CDC16: variants seen among roughly 807,000 people sequenced by gnomAD.
The protein encoded by CDC16 is cell division cycle 16, also known as cell division cycle protein 16 homolog.
In CDC16, 34 loss-of-function variants were observed where a neutral mutation model predicts 87.0. The ratio of observed to expected loss-of-function variants is 0.39; its 90% CI spans 0.30 to 0.52. The LOEUF (loss-of-function observed/expected upper bound fraction) is 0.52. CDC16 is among the 20% of genes least tolerant of loss of function. The probability of loss-of-function intolerance (pLI) is 0.74; values close to 1 mark genes in which losing one functional copy is unlikely to be tolerated. For synonymous variants in CDC16, 263 were observed against 260.6 expected, an observed-to-expected ratio of 1.01 and a Z score of -0.09; for missense variants, 653 against 751.9, an observed-to-expected ratio of 0.87 and a Z score of 1.54.
At chr13:114,270,088 G>A (rs1009398547) in intron 17 of CDC16, among the ~76,000 whole-genome samples, 2 of 149,434 alleles carry the variant, frequency 1.3e-5, no homozygotes, top group African/African-American at 2.6e-5. Context: ...GTTCATTCTC[G>A]CATTGCTGTA....
At chr13:114,237,407 A>C (rs1018164880) in intron 3 of CDC16, among the ~76,000 whole-genome samples, 4 of 151,896 alleles carry the variant, frequency 2.6e-5, no homozygotes, top group African/African-American at 9.7e-5. Context: ...CTTCTGCCTC[A>C]GCCTCCCTAA....
At chr13:114,239,310 A>AC in intron 4 of CDC16, 40 bp from the exon 5 acceptor site, 1 of 1,567,938 alleles carries the variant, frequency 6.4e-7, no homozygotes, top group Non-Finnish European at 8.7e-7. Flanking sequence ...TTCGTGTTAG[A>AC]AGTCGTGAGT....
At chr13:114,250,784 T>G in intron 12 of CDC16, 110 bp downstream of exon 12, 1 of 1,048,834 alleles carries the variant, frequency 9.5e-7, no homozygotes, top group Non-Finnish European at 1.4e-6. Flanking sequence ...CACAAACATT[T>G]TACTTGCCTT....
At chr13:114,247,627 C>T (rs1218186455) in intron 11 of CDC16, among the ~76,000 whole-genome samples, 2 of 152,078 alleles carry the variant, frequency 1.3e-5, no homozygotes, top group Non-Finnish European at 2.9e-5. Context: ...CCTGTTATGC[C>T]AGCACTTTGG....
chr13:114,246,807 T>A, intron 10 of CDC16, 124 bp from the exon 11 acceptor site: 1 of 686,296 alleles, frequency 1.5e-6, no homozygotes, highest in Non-Finnish European at 2.7e-6. Context: ...GAGAAATGTC[T>A]AACTTAACTA....
intron 13 of CDC16, 31 bp downstream of exon 13, chr13:114,257,261 T>A: frequency 6.5e-7 from 1 of 1,536,832 alleles, no homozygotes; most frequent in South Asian, 1.2e-5. Flanking sequence ...AACCCTTCTG[T>A]TAACTAGTGA....
intron 13 of CDC16, among the ~76,000 whole-genome samples, chr13:114,258,195 C>T (rs2082626845): frequency 1.3e-5 from 2 of 152,150 alleles, no homozygotes; most frequent in Admixed American, 6.6e-5. Context: ...AAATAGTAAT[C>T]TTTTAATATA....
Position 114,243,950 on chromosome 13 carries a change from A to T in CDC16, c.728A>T (p.Tyr243Phe). The T allele has an allele frequency of 2.5e-6, 4 of 1,607,066 alleles. No individual in the cohort carries two copies. The highest frequency in any genetic ancestry group is 3.4e-6 in the Non-Finnish European group (4 of 1,173,884). Reference sequence around the variant, plus strand: ...GTGTCTTTAGCTGAGAGACATTATTATAACTGTGATTTTAAAATGTGCTAC... The same window carrying T: ...GTGTCTTTAGCTGAGAGACATTATTTTAACTGTGATTTTAAAATGTGCTAC... ...VVVSLAERHY[Y>F]NCDFKMCYKL... The change falls in exon 8 of 18, where the codon TAT (tyrosine) becomes TTT (phenylalanine). Residue 243 changes from tyrosine (Y) to phenylalanine (F), a missense_variant. Coordinates refer to ENST00000356221, the MANE Select transcript of CDC16 (RefSeq NM_001078645.3).
At chr13:114,259,300 C>A in intron 13 of CDC16, 35 bp from the exon 14 acceptor site, 1 of 1,511,228 alleles carries the variant, frequency 6.6e-7, no homozygotes, top group South Asian at 1.2e-5. Context: ...TTGCTAATTT[C>A]GAATAATCTG....
intron 17 of CDC16, among the ~76,000 whole-genome samples, chr13:114,266,178 C>T (rs990967439): frequency 1.5e-4 from 23 of 152,126 alleles, no homozygotes; most frequent in South Asian, 4.1e-4. Flanking sequence ...TAATGTGATA[C>T]AAAACAGAGC....
chr13:114,257,122 C>T lies in CDC16; in HGVS notation c.1142C>T (p.Thr381Ile), dbSNP rs1193443042. 1 of 1,611,786 alleles carries T rather than the reference C, an allele frequency of 6.2e-7. No homozygotes were observed. Among genetic ancestry groups the T allele is most frequent in the Non-Finnish European group, 8.5e-7 (1 of 1,178,296 alleles). ...TATATTGGATTAGAATATGGTTTGA[C>T]CAATAACTCAAAACTAGCTGAAAGG... ...MLYIGLEYGL[T>I]NNSKLAERFF... The change falls in exon 13 of 18, where the codon ACC becomes ATC. Residue 381 changes from threonine (T) to isoleucine (I), a missense_variant. By Grantham distance (89) the Thr-to-Ile change is moderately conservative (BLOSUM62 -1). Transcript: ENST00000356221.
intron 12 of CDC16, among the ~76,000 whole-genome samples, chr13:114,253,882 A>T (rs1409116695): frequency 6.6e-6 from 1 of 152,148 alleles, no homozygotes; most frequent in African/African-American, 2.4e-5. Flanking sequence ...GCATTATTGC[A>T]AGTGAGGTAT....
intron 5 of CDC16, among the ~76,000 whole-genome samples, chr13:114,241,061 G>A (rs1431929645): frequency 6.6e-6 from 1 of 152,042 alleles, no homozygotes; most frequent in Non-Finnish European, 1.5e-5. Flanking sequence ...GCCTGTTGCT[G>A]GATCATCTTT....
chr13:114,251,824 G>T lies in CDC16; in HGVS notation c.1097+1150G>T, dbSNP rs191022455. 2.6e-4 allele frequency among the ~76,000 whole-genome samples: 40 copies of T among 152,336 alleles called. 2 individuals carry two copies. The highest frequency in any genetic ancestry group is 2.4e-3 in the Admixed American group (37 of 15,294). ...CTGCCTTCCTGCTGTGTCCTCACAT[G>T]GCAGAGAGAGCTCTGGTGTCTCTTC... On this transcript the variant is annotated intron_variant, in intron 12 of 17. Transcript: ENST00000356221.
At chr13:114,259,094 TA>T (rs5807005) in intron 13 of CDC16, among the ~76,000 whole-genome samples, 1,930 of 111,434 alleles carry the variant, frequency 0.017, 34 homozygotes, top group African/African-American at 0.049. Flanking sequence ...GTGAGACTCT[TA>T]AAAAAAAAAA....
rs371335658 is a variant in CDC16 at position 114,272,421 on chromosome 13, C to G, written c.1841C>G (p.Ser614Cys). The change falls in exon 18 of 18, where the codon TCT becomes TGT. Residue 614 changes from serine (S) to cysteine (C), a missense_variant. Physicochemically the swap from Ser to Cys is moderately radical, Grantham distance 112. Coordinates refer to ENST00000356221, the MANE Select transcript of CDC16 (RefSeq NM_001078645.3). ...GAAAGTGACATGATGTTAGAGACAT[C>G]TATGTCAGACCACAGCACGTGACTC... ...MNESDMMLETSMSDHST is the reference protein window; with the variant it reads ...MNESDMMLETCMSDHST The G allele has an allele frequency of 3.1e-6, 5 of 1,613,724 alleles. No homozygotes were observed. The highest frequency in any genetic ancestry group is 2.2e-5 in the East Asian group (1 of 44,890).
Position 114,262,957 on chromosome 13 carries a change from T to G in CDC16, c.1455T>G (p.Ile485Met). 21 of 1,613,960 alleles carry G rather than the reference T, an allele frequency of 1.3e-5. No homozygotes were observed. Among genetic ancestry groups the G allele is most frequent in the Non-Finnish European group, 1.6e-5 (19 of 1,179,776 alleles). Residue 485 changes from isoleucine (I) to methionine (M), a missense_variant, in exon 16 of 18, where the codon ATT becomes ATG. By Grantham distance (10) the Ile-to-Met change is conservative. Transcript: ENST00000356221. The stretch of plus-strand genomic sequence containing the variant: ...AGAACGCATCCACCTACTCTGCTAT[T>G]GGATATATCCACAGTCTGATGGGCA... ...IPQNASTYSA[I>M]GYIHSLMGNF... is the part of the protein sequence containing the mutation.
intron 12 of CDC16, among the ~76,000 whole-genome samples, chr13:114,252,020 CTTACACTAG>C (rs2082212224): frequency 3.4e-5 from 5 of 146,048 alleles, no homozygotes; most frequent in African/African-American, 7.8e-5. Context: ...GGATAAGAGC[CTTACACTAG>C]CCCTGTTGGA....
In CDC16 at chr13:114,257,162, T is replaced by G. The variant is rs201587563; in HGVS notation, c.1182T>G (p.Ala394=). The change falls in exon 13 of 18, where the codon GCT becomes GCG. Residue 394 remains alanine, a synonymous_variant. Transcript: ENST00000356221. ...TAGCTGAAAGGTTCTTCAGCCAAGC[T>G]CTGAGCATTGCACCGGAAGACCCTT... ...SKLAERFFSQ[A]LSIAPEDPFV... The G allele has an allele frequency of 2.0e-5, 33 of 1,613,586 alleles. No individual in the cohort carries two copies. In the African/African-American group the frequency reaches 2.5e-4, roughly 12 times the overall value.
Sources: gnomAD v4.1 joint callset for allele counts (sites outside exome capture counted in the v4.1 genomes callset) on GRCh38, gnomAD v4.1.1 for gene constraint, MANE v1.5 for transcripts, NCBI Gene and HGNC (gene_info 2026-07-23, HGNC 2026-07-21) for gene names.